ANKLE2: variants seen among roughly 807,000 people sequenced by gnomAD.
The protein encoded by ANKLE2 is ankyrin repeat and LEM domain-containing protein 2.
In ANKLE2, 55 loss-of-function variants were observed where a neutral mutation model predicts 84.2. The observed-to-expected ratio is 0.65, with a 90% confidence interval of 0.53 to 0.82. The LOEUF (loss-of-function observed/expected upper bound fraction) is 0.82. ANKLE2 is among the 40% of genes least tolerant of loss of function. ANKLE2 has a pLI of 0.00. For synonymous variants in ANKLE2, 551 were observed against 486.1 expected (o/e 1.13, Z -1.76); for missense variants, 1,238 against 1,201.9 (o/e 1.03, Z -0.44).
Position 132,743,418 on chromosome 12 carries a change from C to CA in ANKLE2, c.1231-143dup. ...TCACTGGCGTGATCTTGGCTCACTG[C>CA]AACCTCTGCCTCCCGGGTTTAACCG... On this transcript the variant is annotated intron_variant, in intron 5 of 12. Coordinates refer to ENST00000357997, the MANE Select transcript of ANKLE2 (RefSeq NM_015114.3). The surrounding 1 kb of genome is among the most constrained non-coding windows in gnomAD (Gnocchi z 4.1). 9.2e-7 allele frequency: 1 copy of CA among 1,090,154 alleles called. No individual in the cohort carries two copies. Among genetic ancestry groups the CA allele is most frequent in the Non-Finnish European group, 1.2e-6 (1 of 812,882 alleles). The allele number at this position is 1,090,154 out of a possible 1,614,324, so 67.5% of individuals were successfully genotyped here.
At chr12:132,739,995 G>A (rs576159331) in intron 7 of ANKLE2, among the ~76,000 whole-genome samples, 1 of 152,356 alleles carries the variant, frequency 6.6e-6, no homozygotes, top group African/African-American at 2.4e-5. Flanking sequence ...GTCACACATA[G>A]GCAAGGATCT....
At chr12:132,739,698 C>T (rs1025198548) in intron 7 of ANKLE2, among the ~76,000 whole-genome samples, 9 of 152,226 alleles carry the variant, frequency 5.9e-5, no homozygotes, top group African/African-American at 9.6e-5. Context: ...CATCTTCACA[C>T]AAGCGTGGGT....
At chr12:132,758,423 T>G (rs2082018952) in intron 1 of ANKLE2, 1 of 152,260 alleles carries the variant, frequency 6.6e-6, no homozygotes, top group African/African-American at 2.4e-5. Flanking sequence ...GACGTCGCAT[T>G]GAAATTGGAA....
chr12:132,755,347 C>A, intron 1 of ANKLE2: 1 of 461,142 alleles, frequency 2.2e-6, no homozygotes, highest in Non-Finnish European at 3.8e-6. Context: ...AGTTCGAGAC[C>A]AGCCCGGCCA....
intron 11 of ANKLE2, among the ~76,000 whole-genome samples, chr12:132,728,582 A>C (rs889769169): frequency 2.0e-5 from 3 of 152,246 alleles, no homozygotes; most frequent in Admixed American, 6.5e-5. Context: ...ACAGTGTGCA[A>C]GGATCGATCT....
chr12:132,754,682 C>A lies in ANKLE2; in HGVS notation c.633G>T (p.Ala211=). 6.3e-7 allele frequency: 1 copy of A among 1,599,564 alleles called. No individual in the cohort carries two copies. Among genetic ancestry groups the A allele is most frequent in the Non-Finnish European group, 8.5e-7 (1 of 1,170,834 alleles). ...GVCPVYEDVP[A]RNERIYVYEN... The stretch of plus-strand genomic sequence containing the variant: ...TACACACGGTCCCATTACCATTTCT[C>A]GCTGGGACGTCCTCATACACTGGAC... The change falls in exon 2 of 13, where the codon GCG becomes GCT. Residue 211 remains alanine, a synonymous_variant. Coordinates refer to ENST00000357997, the MANE Select transcript of ANKLE2 (RefSeq NM_015114.3).
In ANKLE2 at chr12:132,727,245, C is replaced by A; in HGVS notation, c.2814G>T (p.Leu938=). ...RMARLAELAA[L] is the part of the protein sequence containing the mutation. ...AACCGAGAGCCCAGCGCCAAGCCTACAGGGCGGCAAGCTCAGCCAGGCGCG... is the reference window on the plus strand; with the variant it reads ...AACCGAGAGCCCAGCGCCAAGCCTAAAGGGCGGCAAGCTCAGCCAGGCGCG... Residue 938 remains leucine (L), a synonymous_variant, in exon 13 of 13, where the codon CTG becomes CTT. Coordinates refer to ENST00000357997, the MANE Select transcript of ANKLE2 (RefSeq NM_015114.3). 6.4e-7 allele frequency: 1 copy of A among 1,554,856 alleles called. No homozygotes were observed. The highest frequency in any genetic ancestry group is 1.9e-5 in the Admixed American group (1 of 52,352).
chr12:132,752,318 G>A lies in ANKLE2; in HGVS notation c.641-1469C>T, dbSNP rs1379405728. ...TCGCACCACTGCACTCCGGCCTGGC[G>A]ACAGACCGGGACTCTGTCTCAAATA... is the stretch of plus-strand genomic sequence containing the variant. On this transcript the variant is annotated intron_variant, in intron 2 of 12. Coordinates refer to ENST00000357997, the MANE Select transcript of ANKLE2 (RefSeq NM_015114.3). Among the ~76,000 whole-genome samples, 4 of 152,112 alleles carry A rather than the reference G, an allele frequency of 2.6e-5. 1 individual carries two copies. In the South Asian group the frequency reaches 6.2e-4, roughly 24 times the overall value.
intron 10 of ANKLE2, chr12:132,733,919 G>A (rs977231602): frequency 4.4e-6 from 2 of 454,282 alleles, no homozygotes; most frequent in Non-Finnish European, 8.8e-6. Context: ...AACACAAGCA[G>A]AAACAGCAAT....
In ANKLE2 at chr12:132,750,714, G is replaced by A; in HGVS notation, c.776C>T (p.Ser259Phe). Residue 259 changes from serine (S) to phenylalanine (F), a missense_variant, in exon 3 of 13, where the codon TCT (serine) becomes TTT (phenylalanine). Ser to Phe is a radical substitution (Grantham distance 155). Transcript: ENST00000357997. ...FARGICDYFP[S>F]PSKTSLPLSP... ...CAGTGGTAAGGACGTTTTGCTTGGA[G>A]AAGGGAAATAATCACAAATTCCTCT... 5.0e-6 allele frequency: 8 copies of A among 1,614,248 alleles called. No homozygotes were observed. The highest frequency in any genetic ancestry group is 3.3e-5 in the Admixed American group (2 of 60,030).
chr12:132,731,156 G>T (rs951275833), intron 10 of ANKLE2: 1 of 152,224 alleles, frequency 6.6e-6, no homozygotes, highest in Non-Finnish European at 1.5e-5. Context: ...GAACACTTGA[G>T]CTGTGGCTCC....
chr12:132,755,138 G>A lies in ANKLE2; in HGVS notation c.182-5C>T, dbSNP rs569645573. On this transcript the variant is annotated splice_polypyrimidine_tract_variant and splice_region_variant and intron_variant, in intron 1 of 12. Transcript: ENST00000357997. ...GAGCATCCATTGTCATTTCACCTAG[G>A]CCCAAGACAAAAAAATCAAAGAGTC... is the stretch of plus-strand genomic sequence containing the variant. The A allele has an allele frequency of 1.9e-6, 3 of 1,584,362 alleles. No individual in the cohort carries two copies. Among genetic ancestry groups the A allele is most frequent in the Admixed American group, 1.8e-5 (1 of 55,744 alleles).
chr12:132,730,240 A>G lies in ANKLE2; in HGVS notation c.1922T>C (p.Leu641Pro). 6.3e-7 allele frequency: 1 copy of G among 1,576,506 alleles called. No individual in the cohort carries two copies. The highest frequency in any genetic ancestry group is 8.6e-7 in the Non-Finnish European group (1 of 1,159,630). Residue 641 changes from leucine (L) to proline (P), a missense_variant, in exon 11 of 13, where the codon CTA becomes CCA. Physicochemically the swap from Leu to Pro is moderately conservative, Grantham distance 98. Around this residue, in one of 3 missense-constraint regions of ANKLE2, gnomAD observed 802 missense variants for 774.5 expected, o/e 1.04. Transcript: ENST00000357997. ...GSNSISVRAF[L>P]DEDDMSLEEI... ...TTCCAAGCTCATGTCATCTTCATCT[A>G]GAAACGCCCTCACGGAAATGGAATT...
chr12:132,752,158 T>C (rs1027831147), intron 2 of ANKLE2, among the ~76,000 whole-genome samples: 2 of 151,926 alleles, frequency 1.3e-5, no homozygotes, highest in African/African-American at 4.8e-5. Flanking sequence ...CTGACCAACG[T>C]GGAGAAACCC....
rs2043685190 is a variant in ANKLE2, at chr12:132,725,522, A to AT, written c.*1719dup. ...ACGCGGTTTTGAAGTAATTCATTTC[A>AT]TTAAGTGTTTTGTGAAGGACATAAC... is the stretch of plus-strand genomic sequence containing the variant. On this transcript the variant is annotated 3_prime_UTR_variant, in exon 13 of 13. Coordinates refer to ENST00000357997, the MANE Select transcript of ANKLE2 (RefSeq NM_015114.3). 6.6e-6 allele frequency: 1 copy of AT among 152,262 alleles called. No homozygotes were observed. The highest frequency in any genetic ancestry group is 2.4e-5 in the African/African-American group (1 of 41,472). The allele number at this position is 152,262 out of a possible 1,614,324, so 9.4% of individuals were successfully genotyped here. A position where few individuals can be genotyped will look rare whatever the true frequency, so the allele number is the denominator to read the frequency against.
chr12:132,727,306 T>TAGCGCCCAGGACTGC lies in ANKLE2; in HGVS notation c.2738_2752dup (p.Arg917_Tyr918insCysSerProGlyArg). On this transcript the variant is annotated inframe_insertion, in exon 13 of 13. Transcript: ENST00000357997. ...GAGCTGGCTCCCGTGCACGGGGCTG[T>TAGCGCCCAGGACTGC]AGCGCCCAGGACTGCCCAGGCCTGG... 2 of 1,565,066 alleles carry TAGCGCCCAGGACTGC rather than the reference T, an allele frequency of 1.3e-6. No homozygotes were observed. Among genetic ancestry groups the TAGCGCCCAGGACTGC allele is most frequent in the African/African-American group, 2.7e-5 (2 of 73,806 alleles).
At chr12:132,754,567 G>C (rs1424850174) in intron 2 of ANKLE2, 108 bp downstream of exon 2, 2 of 1,071,746 alleles carry the variant, frequency 1.9e-6, no homozygotes, top group Non-Finnish European at 2.7e-6. Context: ...AGATGGAGGG[G>C]ATTGGATTTT....
chr12:132,733,376 G>C (rs931564736), intron 10 of ANKLE2, among the ~76,000 whole-genome samples: 1 of 148,672 alleles, frequency 6.7e-6, no homozygotes, highest in Non-Finnish European at 1.5e-5. Context: ...CTGCGTCCTG[G>C]TGTCTGACAG....
At chr12:132,750,206 A>AC (rs1197578640) in intron 3 of ANKLE2, among the ~76,000 whole-genome samples, 3 of 145,562 alleles carry the variant, frequency 2.1e-5, no homozygotes, top group African/African-American at 7.7e-5. Flanking sequence ...CTCCATCTCA[A>AC]AAAAAAAAAA....
Sources: allele counts gnomAD v4.1 joint callset (sites outside exome capture counted in the v4.1 genomes callset), GRCh38; gene constraint gnomAD v4.1.1; regional missense constraint gnomAD v4.1.1; non-coding constraint Gnocchi (gnomAD v3.1); transcripts MANE v1.5; gene names NCBI Gene and HGNC (gene_info 2026-07-23, HGNC 2026-07-21).